ZNF385D: variants seen among roughly 807,000 people sequenced by gnomAD.
ZNF385D encodes zinc finger protein 659.
In ZNF385D, 15 loss-of-function variants were observed where a neutral mutation model predicts 35.8. That is an observed-to-expected ratio of 0.42 (90% confidence interval 0.28 to 0.64). ZNF385D has a LOEUF of 0.64. ZNF385D is among the 30% of genes least tolerant of loss of function. The probability of loss-of-function intolerance (pLI) is 0.23; values close to 1 mark genes in which losing one functional copy is unlikely to be tolerated. For missense variants in ZNF385D, 474 were observed against 494.6 expected, an observed-to-expected ratio of 0.96 and a Z score of 0.39; for synonymous variants, 212 against 186.8, an observed-to-expected ratio of 1.13 and a Z score of -1.10.
At chr3:22,317,533 A>G (rs1046883999) in intron 2 of ZNF385D, among the ~76,000 whole-genome samples, 7 of 151,778 alleles carry the variant, frequency 4.6e-5, no homozygotes, top group African/African-American at 1.7e-4. Flanking sequence ...GTGCATCTCC[A>G]CCCCTCACCC....
At chr3:22,035,219 T>C (rs1457637373) in intron 3 of ZNF385D, among the ~76,000 whole-genome samples, 3 of 152,190 alleles carry the variant, frequency 2.0e-5, no homozygotes, top group Non-Finnish European at 4.4e-5. Context: ...TCAATACAAC[T>C]GGTATGCTAA....
chr3:21,959,617 G>C (rs1000794768), intron 3 of ZNF385D, among the ~76,000 whole-genome samples: 1 of 152,132 alleles, frequency 6.6e-6, no homozygotes, highest in Non-Finnish European at 1.5e-5. Context: ...ACAATGCAAG[G>C]AGCCTAGTCA....
chr3:21,987,261 T>C (rs1389100302), intron 3 of ZNF385D, among the ~76,000 whole-genome samples: 14 of 139,578 alleles, frequency 1.0e-4, no homozygotes, highest in Non-Finnish European at 1.7e-4. Context: ...TTCTTCCTAG[T>C]CTCGATGGTC....
intron 3 of ZNF385D, among the ~76,000 whole-genome samples, chr3:22,162,923 C>T (rs1706061169): frequency 6.6e-6 from 1 of 152,000 alleles, no homozygotes; most frequent in African/African-American, 2.4e-5. Flanking sequence ...ATTTTGTGTG[C>T]AAGTAGTGGG....
intron 3 of ZNF385D, among the ~76,000 whole-genome samples, chr3:22,000,276 G>T (rs1383601102): frequency 6.7e-6 from 1 of 149,226 alleles, no homozygotes; most frequent in African/African-American, 2.5e-5. Flanking sequence ...CGGCACTCCA[G>T]CCTGGGTGAC....
chr3:21,584,223 C>G (rs1017265752), intron 2 of ZNF385D, among the ~76,000 whole-genome samples: 17 of 152,082 alleles, frequency 1.1e-4, no homozygotes, highest in Non-Finnish European at 2.5e-4. Flanking sequence ...AAGTGATCCG[C>G]CCACCTTGGC....
intron 4 of ZNF385D, among the ~76,000 whole-genome samples, chr3:21,501,936 A>G (rs1468909593): frequency 1.3e-5 from 2 of 152,184 alleles, no homozygotes; most frequent in Non-Finnish European, 2.9e-5. Context: ...TCAGCTTTTC[A>G]GGTACTTTAT....
intron 1 of ZNF385D, among the ~76,000 whole-genome samples, chr3:21,705,414 C>T (rs2067859782): frequency 6.6e-6 from 1 of 152,172 alleles, no homozygotes; most frequent in African/African-American, 2.4e-5. Context: ...TTATAGAAGT[C>T]CCAAAGAGCA....
chr3:21,976,544 G>A (rs1027751536), intron 3 of ZNF385D, among the ~76,000 whole-genome samples: 1 of 152,122 alleles, frequency 6.6e-6, no homozygotes, highest in African/African-American at 2.4e-5. Flanking sequence ...ATACACAGAA[G>A]AGTACAGGAG....
intron 4 of ZNF385D, among the ~76,000 whole-genome samples, chr3:21,498,659 C>G (rs998583573): frequency 6.6e-6 from 1 of 152,054 alleles, no homozygotes; most frequent in Admixed American, 6.6e-5. Context: ...TGAGATGCCA[C>G]CTCACACTGG....
chr3:21,504,069 C>T (rs548612706), intron 4 of ZNF385D, among the ~76,000 whole-genome samples: 1 of 152,194 alleles, frequency 6.6e-6, no homozygotes, highest in South Asian at 2.1e-4. Context: ...AATACATTTG[C>T]AATTCAGTGA....
rs2066328422 is a variant in ZNF385D, at chr3:21,664,109, A to C, written c.165+777T>G. Among the ~76,000 whole-genome samples the C allele has an allele frequency of 3.4e-5, 5 of 146,050 alleles. No individual in the cohort carries two copies. The South Asian group carries it at 1.2e-3, about 34-fold the overall frequency. ...GTTATCTGAAGGCTGAAAAGATAAT[A>C]TTAAAAAAAAAAAAAGTCACTTACT... On this transcript the variant is annotated intron_variant, in intron 2 of 7. Transcript: ENST00000281523.
At chr3:22,152,122 G>A (rs566178277) in intron 3 of ZNF385D, among the ~76,000 whole-genome samples, 5 of 152,148 alleles carry the variant, frequency 3.3e-5, no homozygotes, top group African/African-American at 1.2e-4. Context: ...TTCTGTTCCT[G>A]CATTAGTATG....
At chr3:21,880,533 C>G (rs1169367209) in intron 3 of ZNF385D, among the ~76,000 whole-genome samples, 3 of 151,940 alleles carry the variant, frequency 2.0e-5, no homozygotes, top group Non-Finnish European at 2.9e-5. Flanking sequence ...ACCTTTCTAT[C>G]CACCGGTCGA....
At chr3:22,228,683 C>T (rs1698708489) in intron 2 of ZNF385D, among the ~76,000 whole-genome samples, 1 of 152,066 alleles carries the variant, frequency 6.6e-6, no homozygotes, top group African/African-American at 2.4e-5. Flanking sequence ...AGGGTGTTGT[C>T]AAAGGAGATT....
intron 1 of ZNF385D, among the ~76,000 whole-genome samples, chr3:21,696,467 T>C (rs2067474379): frequency 6.6e-6 from 1 of 152,218 alleles, no homozygotes; most frequent in Non-Finnish European, 1.5e-5. Flanking sequence ...TGACAGCACA[T>C]AATCATTATA....
chr3:21,660,001 T>C (rs772896386), intron 2 of ZNF385D, among the ~76,000 whole-genome samples: 6 of 152,058 alleles, frequency 3.9e-5, no homozygotes, highest in Non-Finnish European at 8.8e-5. Flanking sequence ...TGGATAAAAC[T>C]CCTCGACTTG....
In ZNF385D at chr3:21,751,128, C is replaced by G. The variant is rs779580558; in HGVS notation, c.-212G>C. 1.2e-5 allele frequency: 17 copies of G among 1,460,552 alleles called. No individual in the cohort carries two copies. The African/African-American group carries it at 2.3e-4, about 20-fold the overall frequency. The allele number at this position is 1,460,552 out of a possible 1,614,324, so 90.5% of individuals were successfully genotyped here. On this transcript the variant is annotated 5_prime_UTR_variant, in exon 1 of 8. Coordinates refer to ENST00000281523, the MANE Select transcript of ZNF385D (RefSeq NM_024697.3). ...ATCCCCGGCGGCTGGAGAGTGCGCTCGGGCTGCCTGCTGCACTGCCCATCC... is the reference window on the plus strand; with the variant it reads ...ATCCCCGGCGGCTGGAGAGTGCGCTGGGGCTGCCTGCTGCACTGCCCATCC...
At chr3:21,423,002 G>A (rs1660805555) in intron 7 of ZNF385D, among the ~76,000 whole-genome samples, 1 of 152,104 alleles carries the variant, frequency 6.6e-6, no homozygotes, top group African/African-American at 2.4e-5. Flanking sequence ...TTGGGCAAGA[G>A]AAAAACATAA....
Sources: gnomAD v4.1 joint callset for allele counts (sites outside exome capture counted in the v4.1 genomes callset) on GRCh38, gnomAD v4.1.1 for gene constraint, MANE v1.5 for transcripts, NCBI Gene and HGNC (gene_info 2026-07-23, HGNC 2026-07-21) for gene names.